The following MUC17 variants were observed in gnomAD, a reference collection of about 807,000 sequenced individuals.
MUC17 encodes mucin 17, cell surface associated.
A neutral mutation model predicts 170.3 loss-of-function variants in MUC17; 190 were observed. The ratio of observed to expected loss-of-function variants is 1.12; its 90% CI spans 0.99 to 1.26. The LOEUF (loss-of-function observed/expected upper bound fraction) is 1.26, where lower values mean the gene tolerates loss of function less well. Among genes scored for constraint, MUC17 ranks in the 50% most tolerant of loss-of-function variants. The pLI is 0.00. For synonymous variants in MUC17, 2,325 were observed against 2,002.5 expected (o/e 1.16, Z -4.30); for missense variants, 6,415 against 5,530.0 (o/e 1.16, Z -5.08).
chr7:101,048,327 C>T (rs1194567927), intron 4 of MUC17: 3 of 371,572 alleles, frequency 8.1e-6, no homozygotes, highest in Non-Finnish European at 1.4e-5. Context: ...GGCACGGTGG[C>T]TCTCGCCTGT....
Position 101,041,291 on chromosome 7 carries a change from C to T in MUC17, c.9875C>T (p.Thr3292Met), listed in dbSNP as rs370607705. Residue 3292 changes from threonine (T) to methionine (M), a missense_variant, in exon 3 of 13, where the codon ACG becomes ATG. By Grantham distance (81) the Thr-to-Met change is moderately conservative (BLOSUM62 -1). Transcript: ENST00000306151. Reference protein sequence around the residue: ...PLTSMPVSTTTVASSETSTLS... With the variant: ...PLTSMPVSTTMVASSETSTLS... ...ACAAGTATGCCTGTCAGCACCACAACGGTGGCCAGTTCTGAAACGAGCACC... is the reference window on the plus strand; with the variant it reads ...ACAAGTATGCCTGTCAGCACCACAATGGTGGCCAGTTCTGAAACGAGCACC... The T allele has an allele frequency of 3.7e-5, 60 of 1,610,106 alleles. No individual in the cohort carries two copies. Among genetic ancestry groups the T allele is most frequent in the African/African-American group, 2.3e-4 (17 of 74,292 alleles).
rs201566918 is a variant in MUC17 at position 101,031,783 on chromosome 7, A to G, written c.367A>G (p.Ser123Gly). 4 of 1,607,290 alleles carry G rather than the reference A, an allele frequency of 2.5e-6. No individual in the cohort carries two copies. The highest frequency in any genetic ancestry group is 3.3e-5 in the Admixed American group (2 of 59,992). The stretch of plus-strand genomic sequence containing the variant: ...ATCCAGAACAACTTCAGAATCTACC[A>G]GTGACAGCACCACACTTTTCCCCAG... ...TESRTTSESTSDSTTLFPSST... is the reference protein window; with the variant it reads ...TESRTTSESTGDSTTLFPSST... Residue 123 changes from serine (S) to glycine (G), a missense_variant, in exon 3 of 13, where the codon AGT becomes GGT. Coordinates refer to ENST00000306151, the MANE Select transcript of MUC17 (RefSeq NM_001040105.2).
At chr7:101,044,218 C>T (rs1304329086) in intron 3 of MUC17, among the ~76,000 whole-genome samples, 3 of 152,106 alleles carry the variant, frequency 2.0e-5, no homozygotes, top group African/African-American at 7.2e-5. Flanking sequence ...GAACAGGCAA[C>T]CTACAGAATG....
At position 101,032,145 on chromosome 7, in the gene MUC17, C is replaced by A; in HGVS notation, c.729C>A (p.Ile243=). ...CCCTTTTGACAACTCCTGTTGAAAT[C>A]AGCACACCTGTGACCATTTCTGCTC... ...AITLLTTPVE[I]STPVTISAQA... Residue 243 remains isoleucine, a synonymous_variant, in exon 3 of 13, where the codon ATC becomes ATA. Transcript: ENST00000306151. 1 of 1,613,668 alleles carries A rather than the reference C, an allele frequency of 6.2e-7. No homozygotes were observed. Among genetic ancestry groups the A allele is most frequent in the East Asian group, 2.2e-5 (1 of 44,838 alleles).
chr7:101,054,524 G>A (rs1289982989), intron 11 of MUC17, among the ~76,000 whole-genome samples: 3 of 152,122 alleles, frequency 2.0e-5, no homozygotes, highest in African/African-American at 7.2e-5. Flanking sequence ...AAAGAGGCAG[G>A]AAAGGGAGAA....
In MUC17 at chr7:101,034,846, A is replaced by G. The variant is rs200868593; in HGVS notation, c.3430A>G (p.Thr1144Ala). The change falls in exon 3 of 13, where the codon ACT becomes GCT. Residue 1144 changes from threonine to alanine, a missense_variant. Coordinates refer to ENST00000306151, the MANE Select transcript of MUC17 (RefSeq NM_001040105.2). Reference sequence around the variant, plus strand: ...TACTGAAGCCAGTTCATCTCCTACAACTGCTGAAGGTACCAGCATACCAAC... The same window carrying G: ...TACTGAAGCCAGTTCATCTCCTACAGCTGCTGAAGGTACCAGCATACCAAC... ...TSTEASSSPT[T>A]AEGTSIPTSP... The G allele has an allele frequency of 8.1e-6, 13 of 1,612,462 alleles. No individual in the cohort carries two copies. Among genetic ancestry groups the G allele is most frequent in the Non-Finnish European group, 1.1e-5 (13 of 1,179,504 alleles).
Position 101,036,946 on chromosome 7 carries a change from G to T in MUC17, c.5530G>T (p.Ala1844Ser). Reference protein sequence around the residue: ...DSNSPVVTSTAVSSSPTPAEG... With the variant: ...DSNSPVVTSTSVSSSPTPAEG... ...TAACAGTCCTGTGGTCACTTCTACA[G>T]CAGTCAGTTCATCTCCTACACCTGC... The change falls in exon 3 of 13, where the codon GCA becomes TCA. Residue 1844 changes from alanine (A) to serine (S), a missense_variant. Ala to Ser is a moderately conservative substitution (Grantham distance 99). Coordinates refer to ENST00000306151, the MANE Select transcript of MUC17 (RefSeq NM_001040105.2). 1 of 1,613,102 alleles carries T rather than the reference G, an allele frequency of 6.2e-7. No homozygotes were observed. Among genetic ancestry groups the T allele is most frequent in the Non-Finnish European group, 8.5e-7 (1 of 1,179,544 alleles).
At chr7:101,051,525 C>G in intron 7 of MUC17, 88 bp from the exon 8 acceptor site, 2 of 1,339,136 alleles carry the variant, frequency 1.5e-6, no homozygotes, top group Non-Finnish European at 2.1e-6. Context: ...GCAGCCCACC[C>G]CCTTCTCACA....
chr7:101,048,225 G>A lies in MUC17; in HGVS notation c.12535+110G>A, dbSNP rs2116469980. ...TGAGGCCAGGAATAGGGCCTCTTCTGGGCTGTGGTGTTTTTTGTTTTGTTT... is the reference window on the plus strand; with the variant it reads ...TGAGGCCAGGAATAGGGCCTCTTCTAGGCTGTGGTGTTTTTTGTTTTGTTT... On this transcript the variant is annotated intron_variant, in intron 4 of 12. Coordinates refer to ENST00000306151, the MANE Select transcript of MUC17 (RefSeq NM_001040105.2). 3.6e-6 allele frequency: 4 copies of A among 1,100,968 alleles called. No individual in the cohort carries two copies. In the South Asian group the frequency reaches 7.2e-5, roughly 20 times the overall value. The allele number at this position is 1,100,968 out of a possible 1,614,324, so 68.2% of individuals were successfully genotyped here.
intron 11 of MUC17, among the ~76,000 whole-genome samples, chr7:101,055,062 C>T (rs1247203133): frequency 2.7e-5 from 4 of 150,890 alleles, no homozygotes; most frequent in Admixed American, 6.6e-5. Context: ...GAGCTGAAAT[C>T]GCACCACTAC....
At chr7:101,049,007 A>T (rs1794889741) in intron 5 of MUC17, 35 bp downstream of exon 5, 2 of 1,613,576 alleles carry the variant, frequency 1.2e-6, no homozygotes, top group Non-Finnish European at 8.5e-7. Context: ...ATAGCTACTC[A>T]GTTCCCCCCA....
rs1397756177 is a variant in MUC17 at position 101,043,878 on chromosome 7, A to T, written c.12403+59A>T. 2.7e-6 allele frequency: 4 copies of T among 1,490,992 alleles called. No individual in the cohort carries two copies. In the African/African-American group the frequency reaches 5.6e-5, roughly 21 times the overall value. 92.4% of individuals were successfully genotyped at this position (1,490,992 alleles called of 1,614,324 possible). ...AATTATACTGTAAGTTCTAGGGTACATGTGCACAACGTGCAGGTTTGTTAC... is the reference window on the plus strand; with the variant it reads ...AATTATACTGTAAGTTCTAGGGTACTTGTGCACAACGTGCAGGTTTGTTAC... On this transcript the variant is annotated intron_variant, in intron 3 of 12. Transcript: ENST00000306151.
chr7:101,048,204 G>A (rs777538723), intron 4 of MUC17, 89 bp downstream of exon 4: 72 of 1,324,054 alleles, frequency 5.4e-5, no homozygotes, highest in Non-Finnish European at 1.1e-5. Context: ...TTGATGTGAG[G>A]CCAGGAATAG....
In MUC17 at chr7:101,031,847, G is replaced by C; in HGVS notation, c.431G>C (p.Gly144Ala). The C allele has an allele frequency of 6.2e-7, 1 of 1,614,108 alleles. No individual in the cohort carries two copies. The highest frequency in any genetic ancestry group is 8.5e-7 in the Non-Finnish European group (1 of 1,180,016). The change falls in exon 3 of 13, where the codon GGC becomes GCC. Residue 144 changes from glycine (G) to alanine (A), a missense_variant. Gly to Ala is a moderately conservative substitution (Grantham distance 60). Transcript: ENST00000306151. The part of the protein sequence containing the change: ...EDTSSPTTPE[G>A]TDVPMSTPSE... ...ACTTCATCTCCTACAACTCCTGAAG[G>C]CACCGACGTGCCCATGTCAACACCA...
Position 101,043,659 on chromosome 7 carries a change from C to T in MUC17, c.12243C>T (p.Ser4081=). Residue 4081 remains serine, a synonymous_variant, in exon 3 of 13, where the codon TCC becomes TCT. Coordinates refer to ENST00000306151, the MANE Select transcript of MUC17 (RefSeq NM_001040105.2). ...CACCTCCAACAACCTCTGCCTCCTC[C>T]ACGACTGTGAACCCTGAGGCTGTCA... ...SSTPPTTSAS[S]TTVNPEAVTT... is the part of the protein sequence containing the mutation. 3 of 1,614,166 alleles carry T rather than the reference C, an allele frequency of 1.9e-6. No individual in the cohort carries two copies. Among genetic ancestry groups the T allele is most frequent in the Non-Finnish European group, 2.5e-6 (3 of 1,180,034 alleles).
Position 101,032,598 on chromosome 7 carries a change from A to G in MUC17, c.1182A>G (p.Pro394=). Residue 394 remains proline, a synonymous_variant, in exon 3 of 13, where the codon CCA becomes CCG. Transcript: ENST00000306151. The part of the protein sequence containing the change: ...LTSTLSEGST[P]LTNMPVSTIL... ...CAACTCTTAGTGAAGGAAGCACTCC[A>G]TTAACAAATATGCCTGTCAGCACCA... is the stretch of plus-strand genomic sequence containing the variant. 1.2e-6 allele frequency: 2 copies of G among 1,613,986 alleles called. No homozygotes were observed. Among genetic ancestry groups the G allele is most frequent in the African/African-American group, 1.3e-5 (1 of 75,000 alleles).
At position 101,039,436 on chromosome 7, in the gene MUC17, C is replaced by T. The variant is rs758530531; in HGVS notation, c.8020C>T (p.Pro2674Ser). ...CACTTCCACTGGAACCAGTTCATCT[C>T]CTACAACTGCTGAAGGTAGCAGCAT... ...VTTSTGTSSS[P>S]TTAEGSSMPT... The change falls in exon 3 of 13, where the codon CCT (proline) becomes TCT (serine). Residue 2674 changes from proline (P) to serine (S), a missense_variant. Coordinates refer to ENST00000306151, the MANE Select transcript of MUC17 (RefSeq NM_001040105.2). 5.0e-6 allele frequency: 8 copies of T among 1,612,168 alleles called. No homozygotes were observed. Among genetic ancestry groups the T allele is most frequent in the Middle Eastern group, 1.7e-4 (1 of 6,052 alleles).
In MUC17 at chr7:101,051,497, G is replaced by C. The variant is rs184974603; in HGVS notation, c.12875-116G>C. The stretch of plus-strand genomic sequence containing the variant: ...TGATGCTGCCCCTCTGCCGGGGCCG[G>C]ATTCCCACCTCCCCATCGCAGCCCA... On this transcript the variant is annotated intron_variant, in intron 7 of 12. Coordinates refer to ENST00000306151, the MANE Select transcript of MUC17 (RefSeq NM_001040105.2). The C allele has an allele frequency of 8.3e-4, 795 of 959,764 alleles. 2 individuals are homozygous for C. In the African/African-American group the frequency reaches 0.012, roughly 15 times the overall value. 59.5% of individuals were successfully genotyped at this position (959,764 alleles called of 1,614,324 possible). A position where few individuals can be genotyped will look rare whatever the true frequency, so the allele number is the denominator to read the frequency against.
chr7:101,049,232 C>T (rs1205152711), intron 5 of MUC17, 92 bp from the exon 6 acceptor site: 1 of 1,566,768 alleles, frequency 6.4e-7, no homozygotes, highest in African/African-American at 1.4e-5. Flanking sequence ...TGCTGCGGGA[C>T]AGGATCATCC....
Sources: allele counts gnomAD v4.1 joint callset (sites outside exome capture counted in the v4.1 genomes callset), GRCh38; gene constraint gnomAD v4.1.1; transcripts MANE v1.5; gene names NCBI Gene and HGNC (gene_info 2026-07-23, HGNC 2026-07-21).